ACVR1: variants seen among roughly 807,000 people sequenced by gnomAD.
ACVR1 encodes the protein activin receptor type-1.
In ACVR1, 38 loss-of-function variants were observed where a neutral mutation model predicts 57.1. That is an observed-to-expected ratio of 0.67 (90% CI 0.51 to 0.87). ACVR1 has a LOEUF of 0.87. Among genes scored for constraint, ACVR1 ranks in the 40% least tolerant of loss-of-function variants. The probability of loss-of-function intolerance (pLI) is 0.00; values close to 1 mark genes in which losing one functional copy is unlikely to be tolerated. For missense variants in ACVR1, 463 were observed against 638.2 expected (o/e 0.73, Z 2.96); for synonymous variants, 212 against 228.1 (o/e 0.93, Z 0.63).
rs1278344275 is a variant in ACVR1, at chr2:157,780,603, G to A, written c.68-3C>T. 9 of 1,612,150 alleles carry A rather than the reference G, an allele frequency of 5.6e-6. No individual in the cohort carries two copies. The highest frequency in any genetic ancestry group is 6.8e-6 in the Non-Finnish European group (8 of 1,179,516). On this transcript the variant is annotated splice_polypyrimidine_tract_variant and splice_region_variant and intron_variant, in intron 3 of 10. Coordinates refer to ENST00000434821, the MANE Select transcript of ACVR1 (RefSeq NM_001111067.4). ...GGGGTTGACCTTGGGCTTCTCATCTGCAAAGGAGAGAAAGGAAGGGGAAAA... is the reference window on the plus strand; with the variant it reads ...GGGGTTGACCTTGGGCTTCTCATCTACAAAGGAGAGAAAGGAAGGGGAAAA...
chr2:157,803,219 T>A (rs559451939), intron 2 of ACVR1, among the ~76,000 whole-genome samples: 2 of 152,024 alleles, frequency 1.3e-5, no homozygotes, highest in Admixed American at 1.3e-4. Flanking sequence ...CAGATTATCA[T>A]TGTGCGAACA....
Position 157,875,910 on chromosome 2 carries a change from G to A in ACVR1, c.-297C>T, listed in dbSNP as rs1158080798. 1.1e-4 allele frequency: 16 copies of A among 148,150 alleles called. 1 individual carries two copies. The South Asian group carries it at 1.6e-3, about 15-fold the overall frequency. 9.2% of individuals were successfully genotyped at this position (148,150 alleles called of 1,614,324 possible). A position where few individuals can be genotyped will look rare whatever the true frequency, so the allele number is the denominator to read the frequency against. On this transcript the variant is annotated 5_prime_UTR_variant, in exon 1 of 11. Transcript: ENST00000434821. Reference sequence around the variant, plus strand: ...CGGGGCGGGGCGGGGCGGTGCAGCCGGCGAGGGAGCCCGGAACTCTGCGGG... The same window carrying A: ...CGGGGCGGGGCGGGGCGGTGCAGCCAGCGAGGGAGCCCGGAACTCTGCGGG...
At chr2:157,787,217 C>T (rs937912433) in intron 3 of ACVR1, among the ~76,000 whole-genome samples, 1 of 152,136 alleles carries the variant, frequency 6.6e-6, no homozygotes, top group Admixed American at 6.5e-5. Context: ...AGACGATATT[C>T]GTCTGTCTTT....
At chr2:157,803,882 A>G (rs1687418060) in intron 2 of ACVR1, among the ~76,000 whole-genome samples, 1 of 151,900 alleles carries the variant, frequency 6.6e-6, no homozygotes, top group Non-Finnish European at 1.5e-5. Context: ...TTATATTCAT[A>G]ATAAAATAAC....
At chr2:157,814,129 T>A (rs1407041088) in intron 2 of ACVR1, among the ~76,000 whole-genome samples, 1 of 152,238 alleles carries the variant, frequency 6.6e-6, no homozygotes, top group Non-Finnish European at 1.5e-5. Flanking sequence ...GTTGCTTGAA[T>A]AAATTGGTGA....
chr2:157,748,307 A>C (rs1363688548), intron 9 of ACVR1, among the ~76,000 whole-genome samples: 1 of 152,218 alleles, frequency 6.6e-6, no homozygotes, highest in African/African-American at 2.4e-5. Flanking sequence ...GCTACTGTCT[A>C]GCTATGGAAT....
chr2:157,782,508 T>C (rs192476480), intron 3 of ACVR1, among the ~76,000 whole-genome samples: 11 of 152,346 alleles, frequency 7.2e-5, no homozygotes, highest in Admixed American at 2.0e-4. Context: ...CACCAATCTA[T>C]TTCTATGAGG....
intron 9 of ACVR1, among the ~76,000 whole-genome samples, chr2:157,750,355 A>AG (rs1226730818): frequency 6.6e-6 from 1 of 152,356 alleles, no homozygotes; most frequent in Admixed American, 6.5e-5. Flanking sequence ...GCCATCCAGG[A>AG]GCAGAGGACC....
intron 1 of ACVR1, among the ~76,000 whole-genome samples, chr2:157,854,842 A>C (rs899514995): frequency 6.6e-6 from 1 of 151,960 alleles, no homozygotes; most frequent in Non-Finnish European, 1.5e-5. Context: ...GATAAGAGAC[A>C]ATTCTGGTCA....
At chr2:157,875,701 C>G (rs1199632974) in intron 1 of ACVR1, 95 bp downstream of exon 1, 3 of 151,998 alleles carry the variant, frequency 2.0e-5, no homozygotes, top group Admixed American at 6.5e-5. Context: ...AGACGCCCAC[C>G]CTGCCACCCC....
At chr2:157,823,444 A>G (rs572320135) in intron 1 of ACVR1, among the ~76,000 whole-genome samples, 10 of 152,296 alleles carry the variant, frequency 6.6e-5, no homozygotes, top group Non-Finnish European at 1.5e-4. Context: ...ACTTCTAGAT[A>G]ATGAAGAAAA....
chr2:157,828,737 T>C (rs1242509926), intron 1 of ACVR1, among the ~76,000 whole-genome samples: 1 of 151,802 alleles, frequency 6.6e-6, no homozygotes, highest in African/African-American at 2.4e-5. Context: ...GTTTCATTCT[T>C]AACTCAGAGA....
chr2:157,858,253 C>T (rs868124330), intron 1 of ACVR1, among the ~76,000 whole-genome samples: 1 of 152,038 alleles, frequency 6.6e-6, no homozygotes, highest in Middle Eastern at 3.4e-3. Flanking sequence ...CTTCAGTGTT[C>T]CTCCTACCTC....
In ACVR1 at chr2:157,780,373, A is replaced by T. The variant is rs1686458822; in HGVS notation, c.295T>A (p.Cys99Ser). 1 of 1,614,028 alleles carries T rather than the reference A, an allele frequency of 6.2e-7. No individual in the cohort carries two copies. The highest frequency in any genetic ancestry group is 8.5e-7 in the Non-Finnish European group (1 of 1,180,022). Reference sequence around the variant, plus strand: ...AGCTGGGCCGTGATGTTCCTGTTACACCAGTCCCCTTGGCAGCACTCCACG... The same window carrying T: ...AGCTGGGCCGTGATGTTCCTGTTACTCCAGTCCCCTTGGCAGCACTCCACG... ...QAVECCQGDW[C>S]NRNITAQLPT... is the part of the protein sequence containing the mutation. The change falls in exon 4 of 11, where the codon TGT (cysteine) becomes AGT (serine). Residue 99 changes from cysteine to serine, a missense_variant. Cys to Ser is a moderately radical substitution (Grantham distance 112). Around this residue, in one of 3 missense-constraint regions of ACVR1, gnomAD observed 203 missense variants for 235.5 expected, o/e 0.86. Transcript: ENST00000434821.
chr2:157,770,451 A>T lies in ACVR1; in HGVS notation c.707T>A (p.Ile236Asn). The T allele has an allele frequency of 6.2e-7, 1 of 1,614,036 alleles. No homozygotes were observed. Among genetic ancestry groups the T allele is most frequent in the Non-Finnish European group, 8.5e-7 (1 of 1,179,918 alleles). ...SWQGENVAVK[I>N]FSSRDEKSWF... ...TGACTTCTCATCACGGGAGGAGAAG[A>T]TCTTCACGGCAACATTCTCCCCTTG... Residue 236 changes from isoleucine to asparagine, a missense_variant, in exon 7 of 11, where the codon ATC (isoleucine) becomes AAC (asparagine). This residue lies in a region of ACVR1 where 114 missense variants were observed against 216.2 expected (regional missense o/e 0.53). Coordinates refer to ENST00000434821, the MANE Select transcript of ACVR1 (RefSeq NM_001111067.4).
intron 6 of ACVR1, among the ~76,000 whole-genome samples, chr2:157,771,109 T>A (rs1391353740): frequency 6.6e-6 from 1 of 152,208 alleles, no homozygotes; most frequent in East Asian, 1.9e-4. Context: ...AAGATCGACA[T>A]GCAGCCACTG....
intron 9 of ACVR1, among the ~76,000 whole-genome samples, chr2:157,748,020 C>G (rs1238576468): frequency 6.6e-6 from 1 of 152,162 alleles, no homozygotes; most frequent in Non-Finnish European, 1.5e-5. Context: ...AAACATTCTC[C>G]CTTCCTCTAC....
At chr2:157,805,367 C>T (rs1266198744) in intron 2 of ACVR1, among the ~76,000 whole-genome samples, 1 of 152,154 alleles carries the variant, frequency 6.6e-6, no homozygotes, top group Non-Finnish European at 1.5e-5. Flanking sequence ...TAGAAAGAAT[C>T]TTGGAAGACA....
intron 5 of ACVR1, among the ~76,000 whole-genome samples, chr2:157,774,608 C>T (rs1686206306): frequency 6.6e-6 from 1 of 152,218 alleles, no homozygotes; most frequent in South Asian, 2.1e-4. Flanking sequence ...AGGTGATCTG[C>T]CTGCCTTGGC....
Sources: allele counts gnomAD v4.1 joint callset (sites outside exome capture counted in the v4.1 genomes callset), GRCh38; gene constraint gnomAD v4.1.1; regional missense constraint gnomAD v4.1.1; transcripts MANE v1.5; gene names NCBI Gene and HGNC (gene_info 2026-07-23, HGNC 2026-07-21).